The following TRAPPC9 variants were observed in gnomAD, a reference collection of about 807,000 sequenced individuals.
TRAPPC9 encodes trafficking protein particle complex subunit 9.
TRAPPC9 carries 83 observed loss-of-function variants against 124.0 expected under a neutral mutation model. The ratio of observed to expected loss-of-function variants is 0.67; its 90% confidence interval spans 0.56 to 0.80. The LOEUF (loss-of-function observed/expected upper bound fraction) is 0.80. Among genes scored for constraint, TRAPPC9 ranks in the 30% least tolerant of loss-of-function variants. The probability of loss-of-function intolerance (pLI) is 0.00; values close to 1 mark genes in which losing one functional copy is unlikely to be tolerated. For missense variants in TRAPPC9, 1,302 were observed against 1,508.3 expected (o/e 0.86, Z 2.27); for synonymous variants, 638 against 617.5 (o/e 1.03, Z -0.49).
At chr8:140,393,533 C>T (rs1391765492) in intron 7 of TRAPPC9, among the ~76,000 whole-genome samples, 3 of 152,174 alleles carry the variant, frequency 2.0e-5, no homozygotes, top group African/African-American at 7.2e-5. Flanking sequence ...ATCCATATCC[C>T]TGCACACAAA....
intron 16 of TRAPPC9, among the ~76,000 whole-genome samples, chr8:140,237,898 G>C (rs918106999): frequency 6.6e-6 from 1 of 152,136 alleles, no homozygotes; most frequent in South Asian, 2.1e-4. Context: ...AAATGACAAG[G>C]GCCTGAATCA....
intron 19 of TRAPPC9, among the ~76,000 whole-genome samples, chr8:139,922,106 T>C (rs1354016437): frequency 6.6e-6 from 1 of 151,964 alleles, no homozygotes; most frequent in East Asian, 1.9e-4. Context: ...GTGAGAATAT[T>C]TACTGTTCGC....
chr8:139,930,961 C>T lies in TRAPPC9; in HGVS notation c.2811-20661G>A, dbSNP rs150947162. On this transcript the variant is annotated intron_variant, in intron 19 of 22. Transcript: ENST00000438773. ...CCTTTCATAGGTATGGAAAAAGGCA[C>T]ATGCAGGGTGCCCACCCTGCTGGAA... is the stretch of plus-strand genomic sequence containing the variant. 1.1e-4 allele frequency among the ~76,000 whole-genome samples: 17 copies of T among 152,292 alleles called. No homozygotes were observed. The East Asian group carries it at 2.1e-3, about 19-fold the overall frequency.
At chr8:139,941,864 C>A (rs1315282767) in intron 19 of TRAPPC9, among the ~76,000 whole-genome samples, 1 of 152,212 alleles carries the variant, frequency 6.6e-6, no homozygotes, top group African/African-American at 2.4e-5. Context: ...GTTCTGCAAA[C>A]TTCTTCCTAA....
chr8:140,248,050 A>G (rs936201675), intron 16 of TRAPPC9, among the ~76,000 whole-genome samples: 13 of 152,160 alleles, frequency 8.5e-5, no homozygotes, highest in African/African-American at 2.9e-4. Flanking sequence ...CACTCTGCAT[A>G]GAGTTTGGCC....
At chr8:139,793,253 C>A (rs1822822289) in intron 21 of TRAPPC9, among the ~76,000 whole-genome samples, 1 of 152,176 alleles carries the variant, frequency 6.6e-6, no homozygotes, top group East Asian at 1.9e-4. Flanking sequence ...CCCCTCTGTC[C>A]CAACCAGACT....
At chr8:140,103,034 AAGC>A (rs2060607327) in intron 17 of TRAPPC9, among the ~76,000 whole-genome samples, 1 of 152,112 alleles carries the variant, frequency 6.6e-6, no homozygotes, top group African/African-American at 2.4e-5. Context: ...GGATGCTAGA[AAGC>A]AGGAATTCCA....
chr8:140,346,630 T>C (rs143872554), intron 9 of TRAPPC9, among the ~76,000 whole-genome samples: 47 of 152,362 alleles, frequency 3.1e-4, no homozygotes, highest in African/African-American at 1.1e-3. Context: ...ATCAGATCAA[T>C]ATTTTTCTAT....
chr8:140,296,398 G>A, intron 11 of TRAPPC9, among the ~76,000 whole-genome samples: 1 of 152,116 alleles, frequency 6.6e-6, no homozygotes, highest in Non-Finnish European at 1.5e-5. Flanking sequence ...CCAACTAGCT[G>A]GGACCACAGG....
chr8:139,757,056 TTGGGGA>T (rs2130305730), intron 21 of TRAPPC9, among the ~76,000 whole-genome samples: 2 of 118,766 alleles, frequency 1.7e-5, no homozygotes, highest in Non-Finnish European at 3.5e-5. Flanking sequence ...GAGCCAGGGT[TTGGGGA>T]TGAGGACAGC....
At chr8:140,236,599 T>C (rs2063736378) in intron 16 of TRAPPC9, among the ~76,000 whole-genome samples, 1 of 152,194 alleles carries the variant, frequency 6.6e-6, no homozygotes, top group Non-Finnish European at 1.5e-5. Flanking sequence ...TTTGTGTTCA[T>C]TACTGTATGT....
chr8:139,924,901 T>C (rs2067588), intron 19 of TRAPPC9, among the ~76,000 whole-genome samples: 5,179 of 152,260 alleles, frequency 0.034, 286 homozygotes, highest in African/African-American at 0.12. Flanking sequence ...GGAAACGGCC[T>C]TAGATCACCT....
rs550293150 is a variant in TRAPPC9 at position 139,837,464 on chromosome 8, G to C, written c.3055+48415C>G. Among the ~76,000 whole-genome samples the C allele has an allele frequency of 2.6e-5, 4 of 152,330 alleles. No homozygotes were observed. In the South Asian group the frequency reaches 8.3e-4, roughly 32 times the overall value. On this transcript the variant is annotated intron_variant, in intron 21 of 22. Coordinates refer to ENST00000438773, the MANE Select transcript of TRAPPC9 (RefSeq NM_001160372.4). ...TGGGACCAAAGAGGAACTCTGAGGG[G>C]TACTTCTTGCCATGGCAGGAACTCA...
At chr8:140,272,126 G>GTGGTGA (rs1331730567) in intron 15 of TRAPPC9, among the ~76,000 whole-genome samples, 27 of 146,788 alleles carry the variant, frequency 1.8e-4, no homozygotes, top group African/African-American at 6.9e-4. Flanking sequence ...AATGGTGATG[G>GTGGTGA]TGGCGATGGT....
intron 21 of TRAPPC9, among the ~76,000 whole-genome samples, chr8:139,783,017 A>G (rs1821943517): frequency 6.6e-6 from 1 of 152,214 alleles, no homozygotes; most frequent in Non-Finnish European, 1.5e-5. Context: ...AAAGTATAAC[A>G]TATCAAAATC....
chr8:140,259,248 A>G (rs768582942), intron 15 of TRAPPC9, among the ~76,000 whole-genome samples: 19 of 152,188 alleles, frequency 1.2e-4, no homozygotes, highest in Non-Finnish European at 2.1e-4. Flanking sequence ...GTCCTTCACA[A>G]GCCAACTTGG....
chr8:140,449,401 G>C (rs759521895), intron 2 of TRAPPC9, among the ~76,000 whole-genome samples: 2 of 152,222 alleles, frequency 1.3e-5, no homozygotes, highest in Admixed American at 6.5e-5. Context: ...TTGGCAAACA[G>C]CTGCTGCCTA....
At chr8:139,851,810 C>G (rs1243588339) in intron 21 of TRAPPC9, among the ~76,000 whole-genome samples, 1 of 152,160 alleles carries the variant, frequency 6.6e-6, no homozygotes, top group Non-Finnish European at 1.5e-5. Context: ...AGGAGATCTC[C>G]AAAGTCATTC....
At chr8:140,296,658 G>A (rs754379492) in intron 11 of TRAPPC9, among the ~76,000 whole-genome samples, 47 of 152,212 alleles carry the variant, frequency 3.1e-4, no homozygotes, top group Non-Finnish European at 5.3e-4. Context: ...TGGCATCTGG[G>A]TTCACGCTCT....
Sources: gnomAD v4.1 joint callset for allele counts (sites outside exome capture counted in the v4.1 genomes callset) on GRCh38, gnomAD v4.1.1 for gene constraint, MANE v1.5 for transcripts, NCBI Gene and HGNC (gene_info 2026-07-23, HGNC 2026-07-21) for gene names.